Variants in RCBTB2 observed in about 807,000 individuals in gnomAD.
RCBTB2 encodes the protein RCC1 and BTB domain containing protein 2.
RCBTB2 carries 55 observed loss-of-function variants against 65.4 expected under a neutral mutation model. The observed-to-expected ratio is 0.84, with a 90% CI of 0.68 to 1.05. The LOEUF is 1.05. Among genes scored for constraint, RCBTB2 ranks in the 50% least tolerant of loss-of-function variants. RCBTB2 has a pLI of 0.00. For synonymous variants in RCBTB2, 220 were observed against 255.2 expected, an observed-to-expected ratio of 0.86 and a Z score of 1.31; for missense variants, 599 against 680.1, an observed-to-expected ratio of 0.88 and a Z score of 1.33.
Position 48,501,878 on chromosome 13 carries a change from T to A in RCBTB2, c.1118-10A>T, listed in dbSNP as rs757669201. The A allele has an allele frequency of 1.2e-5, 19 of 1,612,730 alleles. No individual in the cohort carries two copies. Among genetic ancestry groups the A allele is most frequent in the Admixed American group, 1.7e-5 (1 of 59,750 alleles). ...AGGTGGTCATCAGGTTCTAGGAGAA[T>A]AATGCAAATGCTTCCAGAGTTAGCT... is the stretch of plus-strand genomic sequence containing the variant. On this transcript the variant is annotated splice_polypyrimidine_tract_variant and intron_variant, in intron 11 of 14. Coordinates refer to ENST00000344532, the MANE Select transcript of RCBTB2 (RefSeq NM_001268.4).
intron 2 of RCBTB2, among the ~76,000 whole-genome samples, chr13:48,523,868 G>A (rs993501780): frequency 5.9e-5 from 9 of 152,062 alleles, no homozygotes; most frequent in African/African-American, 2.2e-4. Context: ...AGAATGGTAG[G>A]AAAACAGGCC....
At chr13:48,517,923 A>T (rs1205271109) in intron 4 of RCBTB2, among the ~76,000 whole-genome samples, 10 of 152,168 alleles carry the variant, frequency 6.6e-5, no homozygotes, top group Admixed American at 2.0e-4. Flanking sequence ...ACGTCCAATG[A>T]CTAGTCTCCT....
At chr13:48,514,237 A>G (rs74074904) in intron 6 of RCBTB2, among the ~76,000 whole-genome samples, 28 of 152,332 alleles carry the variant, frequency 1.8e-4, no homozygotes, top group African/African-American at 6.7e-4. Context: ...TCAATCTAAT[A>G]ACTGAGACAG....
intron 7 of RCBTB2, 123 bp from the exon 8 acceptor site, chr13:48,512,297 A>C: frequency 1.3e-6 from 1 of 765,738 alleles, no homozygotes; most frequent in Non-Finnish European, 2.1e-6. Context: ...ATAAATCCTC[A>C]CAACACAGGC....
At chr13:48,511,635 T>C (rs1950799409) in intron 9 of RCBTB2, 135 bp downstream of exon 9, 1 of 738,554 alleles carries the variant, frequency 1.4e-6, no homozygotes, top group African/African-American at 1.8e-5. Flanking sequence ...AAAAAGAGAC[T>C]TAACCTTTAC....
chr13:48,525,238 A>T (rs539826340), intron 1 of RCBTB2, among the ~76,000 whole-genome samples: 1 of 151,478 alleles, frequency 6.6e-6, no homozygotes, highest in Non-Finnish European at 1.5e-5. Flanking sequence ...AATATGCCAC[A>T]GAATGGGGGA....
At chr13:48,494,991 T>C (rs1487982214) in intron 14 of RCBTB2, among the ~76,000 whole-genome samples, 1 of 152,198 alleles carries the variant, frequency 6.6e-6, no homozygotes, top group Non-Finnish European at 1.5e-5. Flanking sequence ...GATGAGTCAT[T>C]ACCTTCCTCA....
intron 4 of RCBTB2, among the ~76,000 whole-genome samples, chr13:48,518,472 A>AAAAAAAT (rs1491137365): frequency 5.1e-5 from 6 of 116,588 alleles, no homozygotes; most frequent in African/African-American, 2.3e-4. Flanking sequence ...AAAAAAAAAA[A>AAAAAAAT]ATATATATAT....
intron 1 of RCBTB2, among the ~76,000 whole-genome samples, chr13:48,528,172 C>G (rs927177851): frequency 6.6e-6 from 1 of 152,134 alleles, no homozygotes; most frequent in Non-Finnish European, 1.5e-5. Context: ...ATCCAGCTCT[C>G]TTAGGGACTT....
At chr13:48,506,465 G>C (rs1207636588) in intron 10 of RCBTB2, among the ~76,000 whole-genome samples, 1 of 152,204 alleles carries the variant, frequency 6.6e-6, no homozygotes, top group Non-Finnish European at 1.5e-5. Context: ...GGCTGGGGAG[G>C]CCAACCCAAG....
At chr13:48,503,055 A>C in intron 10 of RCBTB2, 141 bp from the exon 11 acceptor site, 4 of 871,820 alleles carry the variant, frequency 4.6e-6, no homozygotes, top group Non-Finnish European at 6.8e-6. Flanking sequence ...AAACAAAACA[A>C]ACCACCACAT....
chr13:48,528,388 AAC>A (rs1453241148), intron 1 of RCBTB2, among the ~76,000 whole-genome samples: 3 of 152,244 alleles, frequency 2.0e-5, no homozygotes, highest in African/African-American at 7.2e-5. Flanking sequence ...ATGCTTGAGA[AAC>A]ACACTGATAT....
At position 48,499,164 on chromosome 13, in the gene RCBTB2, T is replaced by A. The variant is rs141360429; in HGVS notation, c.1384+457A>T. Among the ~76,000 whole-genome samples, 1,118 of 149,082 alleles carry A rather than the reference T, an allele frequency of 7.5e-3. 19 individuals carry two copies. The highest frequency in any genetic ancestry group is 0.027 in the African/African-American group (1,046 of 39,318). ...CACACTCTCTCTCTCTCTCTCTCTC[T>A]CTCTCACACACACACACACATCCAT... is the stretch of plus-strand genomic sequence containing the variant. On this transcript the variant is annotated intron_variant, in intron 13 of 14. Transcript: ENST00000344532.
chr13:48,515,333 C>T lies in RCBTB2; in HGVS notation c.221G>A (p.Cys74Tyr). The T allele has an allele frequency of 6.2e-7, 1 of 1,613,814 alleles. No homozygotes were observed. The highest frequency in any genetic ancestry group is 8.5e-7 in the Non-Finnish European group (1 of 1,179,932). The change falls in exon 6 of 15, where the codon TGC becomes TAC. Residue 74 changes from cysteine (C) to tyrosine (Y), a missense_variant. By Grantham distance (194) the Cys-to-Tyr change is radical. Transcript: ENST00000344532. The stretch of plus-strand genomic sequence containing the variant: ...GTCACCTAACCCCAAACAGCCACAG[C>T]AGTTTGTGCCAAGCACAAAAATCTA... ...NDEIFVLGTNCCGCLGLGDVQ... is the reference protein window; with the variant it reads ...NDEIFVLGTNYCGCLGLGDVQ...
At chr13:48,497,698 T>C (rs1401038376) in intron 13 of RCBTB2, among the ~76,000 whole-genome samples, 1 of 152,212 alleles carries the variant, frequency 6.6e-6, no homozygotes, top group East Asian at 1.9e-4. Context: ...TTTTACCATA[T>C]TAATTGTTTT....
intron 1 of RCBTB2, chr13:48,532,799 C>A (rs993713823): frequency 9.1e-6 from 3 of 330,630 alleles, no homozygotes; most frequent in East Asian, 1.1e-4. Flanking sequence ...CTGGGTGTAG[C>A]CCCGGAACCT....
At chr13:48,499,789 C>T (rs775599819) in intron 12 of RCBTB2, 29 bp from the exon 13 acceptor site, 11 of 1,613,276 alleles carry the variant, frequency 6.8e-6, no homozygotes, top group African/African-American at 2.7e-5. Flanking sequence ...ATGTCAGGTC[C>T]TAGCTTCCCA....
At chr13:48,527,356 T>TG (rs1555310682) in intron 1 of RCBTB2, among the ~76,000 whole-genome samples, 4 of 109,284 alleles carry the variant, frequency 3.7e-5, no homozygotes, top group African/African-American at 2.6e-4. Context: ...ATATATGATA[T>TG]ATATTTATAT....
chr13:48,503,544 AT>A (rs67880636), intron 10 of RCBTB2, among the ~76,000 whole-genome samples: 4,152 of 148,374 alleles, frequency 0.028, 169 homozygotes, highest in African/African-American at 0.091. Context: ...TCTCAGAACA[AT>A]TTTTTTTTTT....
Sources: allele counts gnomAD v4.1 joint callset (sites outside exome capture counted in the v4.1 genomes callset), GRCh38; gene constraint gnomAD v4.1.1; transcripts MANE v1.5; gene names NCBI Gene and HGNC (gene_info 2026-07-23, HGNC 2026-07-21).